KIF21B: variants seen among roughly 807,000 people sequenced by gnomAD.
KIF21B encodes kinesin-like protein KIF21B.
A neutral mutation model predicts 192.9 loss-of-function variants in KIF21B; 85 were observed. That is an observed-to-expected ratio of 0.44 (90% CI 0.37 to 0.53). The LOEUF (loss-of-function observed/expected upper bound fraction) is 0.53, where lower values mean the gene tolerates loss of function less well. KIF21B is among the 20% of genes least tolerant of loss of function. KIF21B has a pLI of 0.00. For missense variants in KIF21B, 1,716 were observed against 2,194.8 expected (o/e 0.78, Z 4.36); for synonymous variants, 832 against 884.6 (o/e 0.94, Z 1.05).
chr1:201,002,095 T>A, intron 9 of KIF21B, 66 bp downstream of exon 9: 2 of 1,389,440 alleles, frequency 1.4e-6, no homozygotes, highest in Non-Finnish European at 2.0e-6. Context: ...TACTCTGGGG[T>A]GGATGTCGGG....
intron 2 of KIF21B, 124 bp from the exon 3 acceptor site, chr1:201,009,075 G>T: frequency 1.6e-6 from 2 of 1,264,536 alleles, no homozygotes; most frequent in Non-Finnish European, 2.2e-6. Context: ...TGCTTTCTTG[G>T]TCCTGAAGCC....
rs746216671 is a variant in KIF21B, at chr1:200,987,044, C to T, written c.3566G>A (p.Arg1189Gln). 2.5e-5 allele frequency: 41 copies of T among 1,613,848 alleles called. No homozygotes were observed. The highest frequency in any genetic ancestry group is 3.1e-5 in the Non-Finnish European group (37 of 1,179,996). Residue 1189 changes from arginine (R) to glutamine (Q), a missense_variant, in exon 25 of 35, where the codon CGG (arginine) becomes CAG (glutamine). By Grantham distance (43) the Arg-to-Gln change is conservative. Transcript: ENST00000461742. ...VGFSVRDPYY[R>Q]DRVSRTVSLP... is the part of the protein sequence containing the mutation. ...ACTGACGGTGCGCGAGACCCTGTCC[C>T]GGTAATAGGGGTCTCGGACAGAGAA... is the stretch of plus-strand genomic sequence containing the variant.
chr1:200,989,824 T>A, intron 21 of KIF21B, 118 bp downstream of exon 21: 1 of 752,640 alleles, frequency 1.3e-6, no homozygotes, highest in Non-Finnish European at 2.2e-6. Flanking sequence ...AGGCGGCTTG[T>A]CCTAGCCTGT....
rs775326248 is a variant in KIF21B at position 200,976,759 on chromosome 1, C to T, written c.4443+17G>A. 2.6e-6 allele frequency: 4 copies of T among 1,549,788 alleles called. No individual in the cohort carries two copies. In the Admixed American group the frequency reaches 6.8e-5, roughly 26 times the overall value. ...AGTGGAAGACCAGCCCCGACCCAGG[C>T]CTCATAGCTGAGGTACCTTAACGTA... is the stretch of plus-strand genomic sequence containing the variant. On this transcript the variant is annotated intron_variant, in intron 32 of 34. Coordinates refer to ENST00000461742, the MANE Select transcript of KIF21B (RefSeq NM_001252102.2).
chr1:200,983,652 A>G (rs1443012240), intron 27 of KIF21B, among the ~76,000 whole-genome samples: 1 of 152,200 alleles, frequency 6.6e-6, no homozygotes, highest in African/African-American at 2.4e-5. Flanking sequence ...GACCTGGACC[A>G]TTGGACAAGA....
chr1:201,018,205 G>C (rs1448922222), intron 1 of KIF21B, among the ~76,000 whole-genome samples: 1 of 152,316 alleles, frequency 6.6e-6, no homozygotes, highest in East Asian at 1.9e-4. Flanking sequence ...TGTGAGGTGG[G>C]GGGCCAGCAA....
intron 27 of KIF21B, among the ~76,000 whole-genome samples, chr1:200,983,887 A>G (rs1656113377): frequency 6.6e-6 from 1 of 152,128 alleles, no homozygotes; most frequent in Non-Finnish European, 1.5e-5. Flanking sequence ...TAGTATTTTG[A>G]CCCAGGAAGG....
At chr1:200,984,435 A>AT (rs1366194594) in intron 27 of KIF21B, among the ~76,000 whole-genome samples, 1 of 152,058 alleles carries the variant, frequency 6.6e-6, no homozygotes, top group Non-Finnish European at 1.5e-5. Context: ...GAGGAAGGCA[A>AT]TTTGGGGGTC....
Position 201,007,371 on chromosome 1 carries a change from C to G in KIF21B, c.447+1398G>C, listed in dbSNP as rs1657935124. 3.2e-5 allele frequency among the ~76,000 whole-genome samples: 2 copies of G among 62,068 alleles called. 1 individual carries two copies. Among genetic ancestry groups the G allele is most frequent in the Non-Finnish European group, 6.4e-5 (2 of 31,420 alleles). The allele number at this position is 62,068 out of a possible 152,430, so 40.7% of individuals were successfully genotyped here. ...AGACACATAGACACACACACACACA[C>G]AGAGACAGAGACACACAGACACACA... On this transcript the variant is annotated intron_variant, in intron 3 of 34. Coordinates refer to ENST00000461742, the MANE Select transcript of KIF21B (RefSeq NM_001252102.2).
At chr1:200,974,618 G>T in intron 34 of KIF21B, 96 bp downstream of exon 34, 2 of 1,314,692 alleles carry the variant, frequency 1.5e-6, no homozygotes. Flanking sequence ...CCGAGCCTGC[G>T]GGGACAACTG....
intron 34 of KIF21B, chr1:200,974,277 C>T: frequency 1.4e-6 from 2 of 1,467,020 alleles, no homozygotes. Context: ...AAAGTCGGAA[C>T]AAGAAAGAAA....
At chr1:201,007,396 ACACG>A in intron 3 of KIF21B, among the ~76,000 whole-genome samples, 4 of 140,284 alleles carry the variant, frequency 2.9e-5, no homozygotes, top group African/African-American at 8.6e-5. Context: ...ACAGACACAC[ACACG>A]CAGACACCCA....
rs776039428 is a variant in KIF21B, at chr1:201,005,604, C to T, written c.538G>A (p.Ala180Thr). The change falls in exon 4 of 35, where the codon GCA becomes ACA. Residue 180 changes from alanine to threonine, a missense_variant. Physicochemically the swap from Ala to Thr is moderately conservative, Grantham distance 58. Coordinates refer to ENST00000461742, the MANE Select transcript of KIF21B (RefSeq NM_001252102.2). ...RRSNIKIHED[A>T]NGGIYTTGVT... is the part of the protein sequence containing the mutation. ...CCAGTGGTGTAGATGCCACCGTTTGCGTCCTCGTGGATCTTGATGTTGGAC... is the reference window on the plus strand; with the variant it reads ...CCAGTGGTGTAGATGCCACCGTTTGTGTCCTCGTGGATCTTGATGTTGGAC... 6.2e-6 allele frequency: 10 copies of T among 1,614,176 alleles called. No individual in the cohort carries two copies. The highest frequency in any genetic ancestry group is 2.2e-5 in the East Asian group (1 of 44,878).
Position 200,975,040 on chromosome 1 carries a change from C to T in KIF21B, c.4615-127G>A, listed in dbSNP as rs554530292. 28 of 906,446 alleles carry T rather than the reference C, an allele frequency of 3.1e-5. No homozygotes were observed. The East Asian group carries it at 4.8e-4, about 16-fold the overall frequency. 56.2% of individuals were successfully genotyped at this position (906,446 alleles called of 1,614,324 possible). A position where few individuals can be genotyped will look rare whatever the true frequency, so the allele number is the denominator to read the frequency against. On this transcript the variant is annotated intron_variant, in intron 33 of 34. Transcript: ENST00000461742. The surrounding 1 kb of genome is among the most constrained non-coding windows in gnomAD (Gnocchi z 4.3). The stretch of plus-strand genomic sequence containing the variant: ...CTGGCCTCTAGAGCTGCCACACGGG[C>T]GGGTGACACTGGTTCCAGGAGCCAT...
chr1:200,988,307 A>G lies in KIF21B; in HGVS notation c.3397T>C (p.Phe1133Leu). 6.2e-7 allele frequency: 1 copy of G among 1,614,016 alleles called. No individual in the cohort carries two copies. The highest frequency in any genetic ancestry group is 8.5e-7 in the Non-Finnish European group (1 of 1,180,022). ...CCGGCGGGGCTCACCTTGAACTTGA[A>G]ATCGTCATGGCTGGTGGAGCCTTTC... ...TMKGSTSHDD[F>L]KFKSEPKLSA... is the part of the protein sequence containing the mutation. Residue 1133 changes from phenylalanine to leucine, a missense_variant, in exon 24 of 35, where the codon TTC becomes CTC. This residue lies in a region of KIF21B where 580 missense variants were observed against 775.5 expected (regional missense o/e 0.75). Coordinates refer to ENST00000461742, the MANE Select transcript of KIF21B (RefSeq NM_001252102.2).
At chr1:200,991,230 G>T in intron 17 of KIF21B, 81 bp from the exon 18 acceptor site, 1 of 1,139,362 alleles carries the variant, frequency 8.8e-7, no homozygotes, top group Non-Finnish European at 1.3e-6. Context: ...TGGGGTGCCG[G>T]GCAGCAGGAA....
intron 1 of KIF21B, among the ~76,000 whole-genome samples, chr1:201,010,278 A>G (rs1658156809): frequency 1.3e-5 from 2 of 152,168 alleles, no homozygotes; most frequent in African/African-American, 2.4e-5. Flanking sequence ...TCAAGTCCCA[A>G]GTTCCCTTGT....
At chr1:200,988,672 G>C in intron 22 of KIF21B, 94 bp downstream of exon 22, 1 of 1,513,984 alleles carries the variant, frequency 6.6e-7, no homozygotes, top group Non-Finnish European at 9.0e-7. Context: ...GGGGTTAGGG[G>C]TGGTTCTGGG....
intron 1 of KIF21B, among the ~76,000 whole-genome samples, chr1:201,019,510 C>T (rs1302088793): frequency 6.6e-6 from 1 of 152,132 alleles, no homozygotes; most frequent in Non-Finnish European, 1.5e-5. Flanking sequence ...AATAAGCATG[C>T]CAGGCACATA....
Sources: gnomAD v4.1 joint callset for allele counts (sites outside exome capture counted in the v4.1 genomes callset) on GRCh38, gnomAD v4.1.1 for gene constraint, gnomAD v4.1.1 regional missense constraint, Gnocchi (gnomAD v3.1) non-coding constraint, MANE v1.5 for transcripts, NCBI Gene and HGNC (gene_info 2026-07-23, HGNC 2026-07-21) for gene names.